ITGA6: variants seen among roughly 807,000 people sequenced by gnomAD.
ITGA6 encodes the protein integrin alpha-6.
ITGA6 carries 63 observed loss-of-function variants against 133.6 expected under a neutral mutation model. The ratio of observed to expected loss-of-function variants is 0.47; its 90% confidence interval spans 0.38 to 0.58. ITGA6 has a LOEUF of 0.58. Among genes scored for constraint, ITGA6 ranks in the 20% least tolerant of loss-of-function variants. ITGA6 has a pLI of 0.00. For missense variants in ITGA6, 1,068 were observed against 1,309.4 expected (o/e 0.82, Z 2.85); for synonymous variants, 434 against 482.0 (o/e 0.90, Z 1.30).
At chr2:172,486,505 C>G (rs1686684698) in intron 13 of ITGA6, among the ~76,000 whole-genome samples, 1 of 152,128 alleles carries the variant, frequency 6.6e-6, no homozygotes, top group Non-Finnish European at 1.5e-5. Flanking sequence ...CTTACCTGAC[C>G]TTAAGCTCTC....
rs187746713 is a variant in ITGA6, at chr2:172,499,997, T to G, written c.3115-1775T>G. 1.7e-3 allele frequency among the ~76,000 whole-genome samples: 257 copies of G among 152,314 alleles called. 3 individuals are homozygous for G. The highest frequency in any genetic ancestry group is 2.1e-3 in the Admixed American group (32 of 15,306). ...CAAGGGGACTCTAAAATACGACTTA[T>G]ACAACCCCACATGAGAAGCATTTTT... is the stretch of plus-strand genomic sequence containing the variant. On this transcript the variant is annotated intron_variant, in intron 24 of 25. Transcript: ENST00000684293.
In ITGA6 at chr2:172,498,452, C is replaced by T. The variant is rs184771050; in HGVS notation, c.3114+352C>T. Reference sequence around the variant, plus strand: ...CAAATTGTTAGGGTGTAGTAATAATCTGAATGTGTATCCCTGCTAATTTCA... The same window carrying T: ...CAAATTGTTAGGGTGTAGTAATAATTTGAATGTGTATCCCTGCTAATTTCA... On this transcript the variant is annotated intron_variant, in intron 24 of 25. Transcript: ENST00000684293. Among the ~76,000 whole-genome samples, 468 of 152,286 alleles carry T rather than the reference C, an allele frequency of 3.1e-3. 3 individuals are homozygous for T. The highest frequency in any genetic ancestry group is 0.011 in the African/African-American group (457 of 41,566).
At chr2:172,496,377 A>T (rs1033469172) in intron 23 of ITGA6, among the ~76,000 whole-genome samples, 2 of 152,228 alleles carry the variant, frequency 1.3e-5, no homozygotes, top group Non-Finnish European at 2.9e-5. Context: ...TAATTGGCTA[A>T]ATCTCAAGAT....
At chr2:172,503,359 T>G (rs1687428378) in intron 25 of ITGA6, 1 of 152,054 alleles carries the variant, frequency 6.6e-6, no homozygotes, top group Non-Finnish European at 1.5e-5. Context: ...ACATTAACAG[T>G]TTAAAGGTAA....
rs1312740536 is a variant in ITGA6 at position 172,491,465 on chromosome 2, C to G, written c.2930C>G (p.Ala977Gly). ...AACTACTTGGACATTCTCATGCGAG[C>G]CTTCATTGATGTGACTGCTGCTGCC... ...KLNYLDILMR[A>G]FIDVTAAAEN... The change falls in exon 23 of 26, where the codon GCC (alanine) becomes GGC (glycine). Residue 977 changes from alanine to glycine, a missense_variant. Physicochemically the swap from Ala to Gly is moderately conservative, Grantham distance 60 (BLOSUM62 0). Coordinates refer to ENST00000684293, the MANE Select transcript of ITGA6 (RefSeq NM_000210.4). The surrounding 1 kb of genome is among the most constrained non-coding windows in gnomAD (Gnocchi z 4.4). 4 of 1,613,832 alleles carry G rather than the reference C, an allele frequency of 2.5e-6. No homozygotes were observed. The highest frequency in any genetic ancestry group is 1.7e-5 in the Admixed American group (1 of 60,006).
chr2:172,490,935 A>G (rs1400983688), intron 20 of ITGA6, 89 bp from the exon 21 acceptor site: 2 of 781,938 alleles, frequency 2.6e-6, no homozygotes, highest in African/African-American at 1.7e-5. Flanking sequence ...TGAATCTGGC[A>G]CTGTTTGGGA....
intron 2 of ITGA6, among the ~76,000 whole-genome samples, chr2:172,466,755 T>C (rs993744835): frequency 6.6e-6 from 1 of 152,118 alleles, no homozygotes; most frequent in African/African-American, 2.4e-5. Context: ...TTTTTAACAT[T>C]TTGGCATTTT....
At chr2:172,432,609 T>A (rs1451789562) in intron 1 of ITGA6, among the ~76,000 whole-genome samples, 3 of 152,222 alleles carry the variant, frequency 2.0e-5, no homozygotes, top group Non-Finnish European at 4.4e-5. Context: ...TCTGTAAGCT[T>A]AGCAAAGAAA....
intron 9 of ITGA6, among the ~76,000 whole-genome samples, chr2:172,477,978 G>A (rs1017141421): frequency 6.6e-6 from 1 of 152,144 alleles, no homozygotes; most frequent in African/African-American, 2.4e-5. Context: ...AAAAGACACA[G>A]TTTTCATAAT....
chr2:172,443,505 G>A (rs955536802), intron 1 of ITGA6, among the ~76,000 whole-genome samples: 8 of 152,144 alleles, frequency 5.3e-5, no homozygotes, highest in Non-Finnish European at 1.2e-4. Flanking sequence ...TGGAGGAGTG[G>A]CTGCCCTCAT....
intron 1 of ITGA6, among the ~76,000 whole-genome samples, chr2:172,451,451 C>T (rs546742002): frequency 6.1e-4 from 85 of 139,564 alleles, no homozygotes; most frequent in Non-Finnish European, 7.4e-4. Flanking sequence ...GGCAACAGAG[C>T]GAGACTATCT....
chr2:172,475,492 G>A, intron 7 of ITGA6, 105 bp from the exon 8 acceptor site: 2 of 797,338 alleles, frequency 2.5e-6, no homozygotes, highest in Non-Finnish European at 4.4e-6. Flanking sequence ...CCCCGAAAAA[G>A]CCAAACAAAT....
chr2:172,444,106 G>A lies in ITGA6; in HGVS notation c.182+16136G>A, dbSNP rs1684653303. ...TCATTTGATCCTTGCAACACCCTAT[G>A]AGAATATTTAGATAGAACGATTTCA... On this transcript the variant is annotated intron_variant, in intron 1 of 25. Transcript: ENST00000684293. Among the ~76,000 whole-genome samples the A allele has an allele frequency of 2.6e-5, 4 of 152,148 alleles. No homozygotes were observed. In the South Asian group the frequency reaches 8.3e-4, roughly 32 times the overall value.
chr2:172,504,012 A>C (rs1324110835), intron 25 of ITGA6, 79 bp from the exon 26 acceptor site: 1 of 1,127,160 alleles, frequency 8.9e-7, no homozygotes, highest in African/African-American at 1.7e-5. Flanking sequence ...GCTGAACAGA[A>C]AGCTTAGACA....
At chr2:172,493,522 T>C (rs1376330462) in intron 23 of ITGA6, among the ~76,000 whole-genome samples, 1 of 152,110 alleles carries the variant, frequency 6.6e-6, no homozygotes, top group East Asian at 1.9e-4. Flanking sequence ...CTTTATACTC[T>C]ATCATTCAAA....
chr2:172,506,429 A>G lies in ITGA6; in HGVS notation c.*2361A>G, dbSNP rs1687566976. 1 of 152,170 alleles carries G rather than the reference A, an allele frequency of 6.6e-6. No individual in the cohort carries two copies. The highest frequency in any genetic ancestry group is 2.4e-5 in the African/African-American group (1 of 41,430). 9.4% of individuals were successfully genotyped at this position (152,170 alleles called of 1,614,324 possible). A position where few individuals can be genotyped will look rare whatever the true frequency, so the allele number is the denominator to read the frequency against. On this transcript the variant is annotated 3_prime_UTR_variant, in exon 26 of 26. Transcript: ENST00000684293. Reference sequence around the variant, plus strand: ...TTCATTTTCCTTCTTTATGATTAAAAGAAACCTACAGGTATTTAACAACCT... The same window carrying G: ...TTCATTTTCCTTCTTTATGATTAAAGGAAACCTACAGGTATTTAACAACCT...
intron 1 of ITGA6, among the ~76,000 whole-genome samples, chr2:172,441,558 T>TA (rs1559116474): frequency 4.6e-5 from 3 of 64,858 alleles, no homozygotes; most frequent in African/African-American, 1.9e-4. Flanking sequence ...CGCTGTCTCT[T>TA]TAAAAAAAAA....
At chr2:172,445,429 C>T (rs1303969136) in intron 1 of ITGA6, among the ~76,000 whole-genome samples, 5 of 147,858 alleles carry the variant, frequency 3.4e-5, no homozygotes, top group African/African-American at 9.9e-5. Flanking sequence ...GCGGGCAGAT[C>T]ACGAGGTCAG....
intron 1 of ITGA6, among the ~76,000 whole-genome samples, chr2:172,454,183 A>G (rs1685123045): frequency 6.6e-6 from 1 of 151,102 alleles, no homozygotes; most frequent in African/African-American, 2.4e-5. Flanking sequence ...TCCTGAGTTC[A>G]AGTGATTCTC....
Sources: allele counts gnomAD v4.1 joint callset (sites outside exome capture counted in the v4.1 genomes callset), GRCh38; gene constraint gnomAD v4.1.1; non-coding constraint Gnocchi (gnomAD v3.1); transcripts MANE v1.5; gene names NCBI Gene and HGNC (gene_info 2026-07-23, HGNC 2026-07-21).